The following PCDHB4 variants were observed in gnomAD, a reference collection of about 807,000 sequenced individuals.
PCDHB4 encodes protocadherin beta-4.
For missense variants in PCDHB4, 1,063 were observed against 1,007.0 expected (o/e 1.06, Z -0.75); for synonymous variants, 482 against 447.3 (o/e 1.08, Z -0.98).
rs569200348 is a variant in PCDHB4 at position 141,124,461 on chromosome 5, T to G, written c.*75T>G. 2.4e-6 allele frequency: 3 copies of G among 1,247,336 alleles called. No homozygotes were observed. The African/African-American group carries it at 4.5e-5, about 19-fold the overall frequency. The allele number at this position is 1,247,336 out of a possible 1,614,324, so 77.3% of individuals were successfully genotyped here. On this transcript the variant is annotated 3_prime_UTR_variant, in exon 1 of 1. Coordinates refer to ENST00000194152, the MANE Select transcript of PCDHB4 (RefSeq NM_018938.4). Reference sequence around the variant, plus strand: ...ACTGCAATGCCTTTATTTAAAAAAATTGTCTACTTATCTAAATATTCATAC... The same window carrying G: ...ACTGCAATGCCTTTATTTAAAAAAAGTGTCTACTTATCTAAATATTCATAC...
In PCDHB4 at chr5:141,123,006, GGTGGAT is replaced by G; in HGVS notation, c.1012_1017del (p.Asp338_Val339del). The G allele has an allele frequency of 6.2e-7, 1 of 1,614,008 alleles. No homozygotes were observed. Among genetic ancestry groups the G allele is most frequent in the Non-Finnish European group, 8.5e-7 (1 of 1,179,984 alleles). ...GAAAAGGCACTGTAGTCATAGAGGT[GGTGGAT>G]GTGAATGACAATCCCCCAGAACTTA... On this transcript the variant is annotated inframe_deletion, in exon 1 of 1. Coordinates refer to ENST00000194152, the MANE Select transcript of PCDHB4 (RefSeq NM_018938.4).
In PCDHB4 at chr5:141,123,813, G is replaced by T. The variant is rs782161690; in HGVS notation, c.1815G>T (p.Leu605=). The T allele has an allele frequency of 9.3e-6, 15 of 1,609,742 alleles. 1 individual carries two copies. The South Asian group carries it at 1.2e-4, about 13-fold the overall frequency. ...AGAACGCCTGGCTGTCGTACCAGCT[G>T]CTCAAGGCCACGGAGCCTGGGCTGT... ...SGQNAWLSYQ[L]LKATEPGLFG... The change falls in exon 1 of 1, where the codon CTG becomes CTT. Residue 605 remains leucine, a synonymous_variant. Transcript: ENST00000194152.
In PCDHB4 at chr5:141,123,223, G is replaced by T; in HGVS notation, c.1225G>T (p.Asp409Tyr). The change falls in exon 1 of 1, where the codon GAC (aspartate) becomes TAC (tyrosine). Residue 409 changes from aspartate to tyrosine, a missense_variant. By Grantham distance (160) the Asp-to-Tyr change is radical. Transcript: ENST00000194152. ...FYTLVTERPLDRETSAEYNIT... is the reference protein window; with the variant it reads ...FYTLVTERPLYRETSAEYNIT... ...CACCCTGGTAACAGAGAGACCACTG[G>T]ACCGAGAGACCAGCGCTGAGTACAA... is the stretch of plus-strand genomic sequence containing the variant. The T allele has an allele frequency of 1.2e-6, 2 of 1,614,160 alleles. No homozygotes were observed. Among genetic ancestry groups the T allele is most frequent in the Non-Finnish European group, 1.7e-6 (2 of 1,180,044 alleles).
Position 141,123,406 on chromosome 5 carries a change from G to A in PCDHB4, c.1408G>A (p.Gly470Ser), listed in dbSNP as rs782697232. 1.9e-6 allele frequency: 3 copies of A among 1,613,316 alleles called. No individual in the cohort carries two copies. The highest frequency in any genetic ancestry group is 2.5e-6 in the Non-Finnish European group (3 of 1,180,032). ...GAACAACAGCCCCGCCCTGCACATC[G>A]GCAGTGTCAGCGCCACAGACAGAGA... Reference protein sequence around the residue: ...RENNSPALHIGSVSATDRDSG... With the variant: ...RENNSPALHISSVSATDRDSG... Residue 470 changes from glycine to serine, a missense_variant, in exon 1 of 1, where the codon GGC (glycine) becomes AGC (serine). Gly to Ser is a moderately conservative substitution (Grantham distance 56). Transcript: ENST00000194152.
At position 141,123,949 on chromosome 5, in the gene PCDHB4, C is replaced by T. The variant is rs17844417; in HGVS notation, c.1951C>T (p.Arg651Cys). The change falls in exon 1 of 1, where the codon CGC becomes TGC. Residue 651 changes from arginine to cysteine, a missense_variant. Coordinates refer to ENST00000194152, the MANE Select transcript of PCDHB4 (RefSeq NM_018938.4). ...VLVKDNGEPP[R>C]SATATLHVLL... The stretch of plus-strand genomic sequence containing the variant: ...TGTCAAGGACAATGGCGAGCCTCCG[C>T]GCTCGGCCACCGCCACGCTGCACGT... 116,104 of 1,604,248 alleles carry T rather than the reference C, an allele frequency of 0.072. 4,689 individuals are homozygous for T. Among genetic ancestry groups the T allele is most frequent in the South Asian group, 0.11 (10,186 of 90,980 alleles).
At position 141,123,961 on chromosome 5, in the gene PCDHB4, G is replaced by A; in HGVS notation, c.1963G>A (p.Ala655Thr). 1 of 1,604,176 alleles carries A rather than the reference G, an allele frequency of 6.2e-7. No individual in the cohort carries two copies. Among genetic ancestry groups the A allele is most frequent in the Non-Finnish European group, 8.5e-7 (1 of 1,179,700 alleles). Residue 655 changes from alanine (A) to threonine (T), a missense_variant, in exon 1 of 1, where the codon GCC becomes ACC. Coordinates refer to ENST00000194152, the MANE Select transcript of PCDHB4 (RefSeq NM_018938.4). ...TGGCGAGCCTCCGCGCTCGGCCACC[G>A]CCACGCTGCACGTGCTCCTGGTGGA... ...DNGEPPRSAT[A>T]TLHVLLVDGF...
chr5:141,124,850 A>C lies in PCDHB4; in HGVS notation c.*464A>C, dbSNP rs3822339. 10,146 of 153,904 alleles carry C rather than the reference A, an allele frequency of 0.066. 432 individuals carry two copies. Among genetic ancestry groups the C allele is most frequent in the South Asian group, 0.11 (534 of 4,904 alleles). The allele number at this position is 153,904 out of a possible 1,614,324, so 9.5% of individuals were successfully genotyped here. On this transcript the variant is annotated 3_prime_UTR_variant, in exon 1 of 1. Transcript: ENST00000194152. ...ATTACCTTGTCCTTTCTGGTTGACT[A>C]TACTAGGCTAAGCCCTCTTAATAGC...
Position 141,124,217 on chromosome 5 carries a change from G to T in PCDHB4, c.2219G>T (p.Gly740Val), listed in dbSNP as rs1175832800. 1 of 1,614,006 alleles carries T rather than the reference G, an allele frequency of 6.2e-7. No individual in the cohort carries two copies. The highest frequency in any genetic ancestry group is 8.5e-7 in the Non-Finnish European group (1 of 1,180,040). ...PFPGHLVDVS[G>V]TGTLSQSYQY... is the part of the protein sequence containing the mutation. ...CCAGGGCATCTGGTGGACGTAAGCGGCACCGGGACCCTGTCCCAGAGCTAC... is the reference window on the plus strand; with the variant it reads ...CCAGGGCATCTGGTGGACGTAAGCGTCACCGGGACCCTGTCCCAGAGCTAC... Residue 740 changes from glycine to valine, a missense_variant, in exon 1 of 1, where the codon GGC (glycine) becomes GTC (valine). Physicochemically the swap from Gly to Val is moderately radical, Grantham distance 109. Transcript: ENST00000194152.
Position 141,123,924 on chromosome 5 carries a change from T to G in PCDHB4, c.1926T>G (p.Leu642=), listed in dbSNP as rs530885987. 1.4e-4 allele frequency: 222 copies of G among 1,605,566 alleles called. 1 individual carries two copies. Among genetic ancestry groups the G allele is most frequent in the South Asian group, 7.5e-4 (68 of 90,972 alleles). Residue 642 remains leucine (L), a synonymous_variant, in exon 1 of 1, where the codon CTT becomes CTG. Coordinates refer to ENST00000194152, the MANE Select transcript of PCDHB4 (RefSeq NM_018938.4). ...CAGCCAAGCACAGGCTCGTGGTGCT[T>G]GTCAAGGACAATGGCGAGCCTCCGC... ...RDAAKHRLVV[L]VKDNGEPPRS...
chr5:141,123,918 G>A lies in PCDHB4; in HGVS notation c.1920G>A (p.Val640=). ...GCGACGCAGCCAAGCACAGGCTCGTGGTGCTTGTCAAGGACAATGGCGAGC... is the reference window on the plus strand; with the variant it reads ...GCGACGCAGCCAAGCACAGGCTCGTAGTGCTTGTCAAGGACAATGGCGAGC... ...SERDAAKHRL[V]VLVKDNGEPP... is the part of the protein sequence containing the mutation. The change falls in exon 1 of 1, where the codon GTG becomes GTA. Residue 640 remains valine, a synonymous_variant. Coordinates refer to ENST00000194152, the MANE Select transcript of PCDHB4 (RefSeq NM_018938.4). 3 of 1,605,890 alleles carry A rather than the reference G, an allele frequency of 1.9e-6. No individual in the cohort carries two copies. Among genetic ancestry groups the A allele is most frequent in the Non-Finnish European group, 2.5e-6 (3 of 1,179,678 alleles).
rs782166685 is a variant in PCDHB4 at position 141,123,489 on chromosome 5, G to A, written c.1491G>A (p.Leu497=). Residue 497 remains leucine, a synonymous_variant, in exon 1 of 1, where the codon CTG becomes CTA. Coordinates refer to ENST00000194152, the MANE Select transcript of PCDHB4 (RefSeq NM_018938.4). ...TGCTGCCGCCCCAGGACCCGCACCT[G>A]CCCCTCGCCTCCCTGGTCTCCATCA... ...YSLLPPQDPH[L]PLASLVSINA... is the part of the protein sequence containing the mutation. 3.1e-6 allele frequency: 5 copies of A among 1,613,278 alleles called. No individual in the cohort carries two copies. In the African/African-American group the frequency reaches 6.7e-5, roughly 22 times the overall value.
rs144744003 is a variant in PCDHB4 at position 141,124,044 on chromosome 5, C to T, written c.2046C>T (p.Ala682=). 6.2e-6 allele frequency: 10 copies of T among 1,606,558 alleles called. No individual in the cohort carries two copies. The South Asian group carries it at 1.1e-4, about 18-fold the overall frequency. Residue 682 remains alanine (A), a synonymous_variant, in exon 1 of 1, where the codon GCC becomes GCT. Transcript: ENST00000194152. ...AGGCGGCCCCGGCCCAGGCCCAGGC[C>T]GACTCTCTCACCGTCTACCTGGTGG... The part of the protein sequence containing the change: ...LPEAAPAQAQ[A]DSLTVYLVVA...
Position 141,122,132 on chromosome 5 carries a change from C to A in PCDHB4, c.134C>A (p.Ala45Asp). The A allele has an allele frequency of 6.2e-7, 1 of 1,614,170 alleles. No individual in the cohort carries two copies. The highest frequency in any genetic ancestry group is 8.5e-7 in the Non-Finnish European group (1 of 1,180,036). The change falls in exon 1 of 1, where the codon GCC becomes GAC. Residue 45 changes from alanine (A) to aspartate (D), a missense_variant. Ala to Asp is a moderately radical substitution (Grantham distance 126). Coordinates refer to ENST00000194152, the MANE Select transcript of PCDHB4 (RefSeq NM_018938.4). Reference protein sequence around the residue: ...LEETESGSFVAHLAKDLGLGI... With the variant: ...LEETESGSFVDHLAKDLGLGI... ...GAAACAGAGAGCGGCTCCTTTGTAG[C>A]CCATCTGGCCAAGGATCTGGGCCTG...
At position 141,122,409 on chromosome 5, in the gene PCDHB4, G is replaced by C; in HGVS notation, c.411G>C (p.Val137=). ...DHSPIFPERE[V]LLKILENSQP... ...CTCCAATATTCCCTGAAAGGGAAGT[G>C]CTCTTGAAAATACTAGAAAATAGCC... is the stretch of plus-strand genomic sequence containing the variant. Residue 137 remains valine, a synonymous_variant, in exon 1 of 1, where the codon GTG becomes GTC. Coordinates refer to ENST00000194152, the MANE Select transcript of PCDHB4 (RefSeq NM_018938.4). 6.2e-7 allele frequency: 1 copy of C among 1,614,192 alleles called. No individual in the cohort carries two copies. Among genetic ancestry groups the C allele is most frequent in the Non-Finnish European group, 8.5e-7 (1 of 1,180,026 alleles).
chr5:141,124,215 C>G lies in PCDHB4; in HGVS notation c.2217C>G (p.Ser739Arg), dbSNP rs561916518. Residue 739 changes from serine (S) to arginine (R), a missense_variant, in exon 1 of 1, where the codon AGC becomes AGG. Coordinates refer to ENST00000194152, the MANE Select transcript of PCDHB4 (RefSeq NM_018938.4). ...GPFPGHLVDV[S>R]GTGTLSQSYQ... ...TTCCAGGGCATCTGGTGGACGTAAG[C>G]GGCACCGGGACCCTGTCCCAGAGCT... The G allele has an allele frequency of 3.1e-6, 5 of 1,614,106 alleles. No homozygotes were observed. Among genetic ancestry groups the G allele is most frequent in the Non-Finnish European group, 4.2e-6 (5 of 1,180,038 alleles).
Position 141,122,174 on chromosome 5 carries a change from C to A in PCDHB4, c.176C>A (p.Ala59Asp). 6.2e-7 allele frequency: 1 copy of A among 1,614,190 alleles called. No homozygotes were observed. Among genetic ancestry groups the A allele is most frequent in the African/African-American group, 1.3e-5 (1 of 75,066 alleles). ...KDLGLGIGEL[A>D]SRSARVLSDD... ...CTGGGCCTGGGAATTGGGGAACTGG[C>A]CTCCCGGTCAGCCCGGGTGCTGTCT... The change falls in exon 1 of 1, where the codon GCC (alanine) becomes GAC (aspartate). Residue 59 changes from alanine to aspartate, a missense_variant. Transcript: ENST00000194152.
Position 141,123,660 on chromosome 5 carries a change from C to G in PCDHB4, c.1662C>G (p.Asn554Lys). The G allele has an allele frequency of 1.2e-6, 2 of 1,611,590 alleles. No individual in the cohort carries two copies. The highest frequency in any genetic ancestry group is 2.2e-5 in the East Asian group (1 of 44,864). The part of the protein sequence containing the change: ...ALVRVLVLDT[N>K]DNSPFVLYPL... ...TGCGCGTGCTGGTGCTGGACACCAA[C>G]GACAACTCGCCCTTCGTGCTGTACC... The change falls in exon 1 of 1, where the codon AAC becomes AAG. Residue 554 changes from asparagine (N) to lysine (K), a missense_variant. Physicochemically the swap from Asn to Lys is moderately conservative, Grantham distance 94. Coordinates refer to ENST00000194152, the MANE Select transcript of PCDHB4 (RefSeq NM_018938.4).
At position 141,123,205 on chromosome 5, in the gene PCDHB4, G is replaced by A. The variant is rs1289332669; in HGVS notation, c.1207G>A (p.Val403Ile). The change falls in exon 1 of 1, where the codon GTA (valine) becomes ATA (isoleucine). Residue 403 changes from valine (V) to isoleucine (I), a missense_variant. By Grantham distance (29) the Val-to-Ile change is conservative (BLOSUM62 3). Transcript: ENST00000194152. ...AACTTTGAAGAATTTTTACACCCTG[G>A]TAACAGAGAGACCACTGGACCGAGA... The part of the protein sequence containing the change: ...KPTLKNFYTL[V>I]TERPLDRETS... 3.1e-6 allele frequency: 5 copies of A among 1,613,972 alleles called. No homozygotes were observed. Among genetic ancestry groups the A allele is most frequent in the Middle Eastern group, 1.6e-4 (1 of 6,084 alleles).
rs782224333 is a variant in PCDHB4, at chr5:141,123,671, C to T, written c.1673C>T (p.Pro558Leu). The T allele has an allele frequency of 1.9e-6, 3 of 1,611,486 alleles. No homozygotes were observed. The highest frequency in any genetic ancestry group is 2.2e-5 in the South Asian group (2 of 90,960). Residue 558 changes from proline to leucine, a missense_variant, in exon 1 of 1, where the codon CCC becomes CTC. Physicochemically the swap from Pro to Leu is moderately conservative, Grantham distance 98. Transcript: ENST00000194152. The stretch of plus-strand genomic sequence containing the variant: ...GTGCTGGACACCAACGACAACTCGC[C>T]CTTCGTGCTGTACCCGCTGCAGAAT... ...VLVLDTNDNS[P>L]FVLYPLQNGS... is the part of the protein sequence containing the mutation.
Sources: allele counts gnomAD v4.1 joint callset, GRCh38; gene constraint gnomAD v4.1.1; transcripts MANE v1.5; gene names NCBI Gene and HGNC (gene_info 2026-07-23, HGNC 2026-07-21).